The following SLC25A40 variants were observed in gnomAD, a reference collection of about 807,000 sequenced individuals.
SLC25A40 encodes the protein mitochondrial glutathione transporter SLC25A40.
In SLC25A40, 41 loss-of-function variants were observed where a neutral mutation model predicts 46.5. The ratio of observed to expected loss-of-function variants is 0.88; its 90% CI spans 0.69 to 1.14. The LOEUF (loss-of-function observed/expected upper bound fraction) is 1.14, where lower values mean the gene tolerates loss of function less well. SLC25A40 is among the 50% of genes most tolerant of loss of function. SLC25A40 has a pLI of 0.00. For synonymous variants in SLC25A40, 126 were observed against 127.5 expected, an observed-to-expected ratio of 0.99 and a Z score of 0.08; for missense variants, 386 against 393.6, an observed-to-expected ratio of 0.98 and a Z score of 0.16.
intron 1 of SLC25A40, among the ~76,000 whole-genome samples, chr7:87,862,988 T>C (rs1285798458): frequency 1.3e-5 from 2 of 152,128 alleles, no homozygotes; most frequent in East Asian, 3.9e-4. Flanking sequence ...CAATTCAAGA[T>C]GAGATCTTGG....
chr7:87,843,404 CAT>C (rs751998285), intron 9 of SLC25A40, among the ~76,000 whole-genome samples: 2 of 152,104 alleles, frequency 1.3e-5, no homozygotes, highest in Admixed American at 6.5e-5. Context: ...GTGCTTAATG[CAT>C]ATGAGATGAC....
At chr7:87,862,538 T>G (rs958454143) in intron 1 of SLC25A40, among the ~76,000 whole-genome samples, 10 of 152,190 alleles carry the variant, frequency 6.6e-5, no homozygotes, top group Non-Finnish European at 1.3e-4. Context: ...GAATCTTTAG[T>G]AAAAGGATTA....
At position 87,833,720 on chromosome 7, in the gene SLC25A40, G is replaced by A. The variant is rs1214371728; in HGVS notation, c.*2529C>T. ...GGTACATATGCAGGTTTGTTACACA[G>A]GTAAACTTTTGTGTCATGGGGATTT... On this transcript the variant is annotated 3_prime_UTR_variant, in exon 12 of 12. Coordinates refer to ENST00000341119, the MANE Select transcript of SLC25A40 (RefSeq NM_018843.4). The A allele has an allele frequency of 2.0e-5, 3 of 151,798 alleles. No homozygotes were observed. The highest frequency in any genetic ancestry group is 2.9e-5 in the Non-Finnish European group (2 of 67,880). 9.4% of individuals were successfully genotyped at this position (151,798 alleles called of 1,614,324 possible). A position where few individuals can be genotyped will look rare whatever the true frequency, so the allele number is the denominator to read the frequency against.
At chr7:87,870,190 T>C (rs1838874654) in intron 1 of SLC25A40, among the ~76,000 whole-genome samples, 1 of 151,414 alleles carries the variant, frequency 6.6e-6, no homozygotes, top group Non-Finnish European at 1.5e-5. Context: ...TTTTGGATAC[T>C]AGATCCTTAC....
chr7:87,843,813 A>T lies in SLC25A40; in HGVS notation c.682T>A (p.Ser228Thr). ...EILKKWLCEK[S>T]GLYEPTFMIN... ...ATAAATGTTGGCTCATATAAACCAG[A>T]TTTCTCACATAACCACTTCTTTAAA... is the stretch of plus-strand genomic sequence containing the variant. The change falls in exon 9 of 12, where the codon TCT becomes ACT. Residue 228 changes from serine (S) to threonine (T), a missense_variant. Transcript: ENST00000341119. 1.2e-6 allele frequency: 2 copies of T among 1,611,604 alleles called. No individual in the cohort carries two copies. Among genetic ancestry groups the T allele is most frequent in the Non-Finnish European group, 1.7e-6 (2 of 1,178,476 alleles).
chr7:87,836,333 A>G lies in SLC25A40; in HGVS notation c.933T>C (p.Ala311=), dbSNP rs200456051. The change falls in exon 12 of 12, where the codon GCT becomes GCC. Residue 311 remains alanine (A), a synonymous_variant. Coordinates refer to ENST00000341119, the MANE Select transcript of SLC25A40 (RefSeq NM_018843.4). ...SGLIPRLIKI[A]PACAIMISTY... is the part of the protein sequence containing the mutation. ...TACTGATCATAATGGCACAAGCAGGAGCAATTTTAATTAAGCGAGGAATTA... is the reference window on the plus strand; with the variant it reads ...TACTGATCATAATGGCACAAGCAGGGGCAATTTTAATTAAGCGAGGAATTA... 207 of 1,553,750 alleles carry G rather than the reference A, an allele frequency of 1.3e-4. No homozygotes were observed. The highest frequency in any genetic ancestry group is 1.7e-4 in the Non-Finnish European group (195 of 1,155,608).
chr7:87,851,438 C>T (rs532628794), intron 5 of SLC25A40, among the ~76,000 whole-genome samples: 124 of 152,248 alleles, frequency 8.1e-4, no homozygotes, highest in African/African-American at 2.9e-3. Flanking sequence ...CACCCAGACC[C>T]ATATCAGCAA....
chr7:87,862,010 CAAA>C (rs764406380), intron 1 of SLC25A40, among the ~76,000 whole-genome samples: 2 of 151,524 alleles, frequency 1.3e-5, no homozygotes, highest in Non-Finnish European at 2.9e-5. Context: ...CAATTTATTA[CAAA>C]AATAATGAAA....
intron 10 of SLC25A40, among the ~76,000 whole-genome samples, chr7:87,838,733 C>T (rs538902093): frequency 6.6e-6 from 1 of 151,424 alleles, no homozygotes; most frequent in African/African-American, 2.4e-5. Flanking sequence ...TGTATACTCA[C>T]TCTTCTTTGT....
At chr7:87,867,222 ACAC>A (rs895207344) in intron 1 of SLC25A40, among the ~76,000 whole-genome samples, 1 of 152,196 alleles carries the variant, frequency 6.6e-6, no homozygotes, top group Non-Finnish European at 1.5e-5. Flanking sequence ...TCCCTCTTGA[ACAC>A]CAATAATTCT....
chr7:87,849,916 G>T lies in SLC25A40; in HGVS notation c.297C>A (p.Gly99=). Residue 99 remains glycine (G), a synonymous_variant, in exon 6 of 12, where the codon GGC becomes GGA. Transcript: ENST00000341119. The part of the protein sequence containing the change: ...DAFFKIIRNE[G]IKSLWSGLPP... ...GAAGGCCACTCCATAGAGATTTAAT[G>T]CCCTCATTTCGAATGATTTTAAAAA... The T allele has an allele frequency of 1.9e-6, 3 of 1,599,948 alleles. No individual in the cohort carries two copies. Among genetic ancestry groups the T allele is most frequent in the South Asian group, 1.1e-5 (1 of 87,364 alleles).
Position 87,860,648 on chromosome 7 carries a change from T to C in SLC25A40, c.-93-8A>G, listed in dbSNP as rs1197063557. ...ACATCAGTAGCCAAAAACCTGTAATTAAGAAGAAAGTAATTGTCTTATCTT... is the reference window on the plus strand; with the variant it reads ...ACATCAGTAGCCAAAAACCTGTAATCAAGAAGAAAGTAATTGTCTTATCTT... On this transcript the variant is annotated splice_polypyrimidine_tract_variant and splice_region_variant and intron_variant, in intron 1 of 11. Transcript: ENST00000341119. The C allele has an allele frequency of 2.2e-4, 33 of 152,128 alleles. No homozygotes were observed. Among genetic ancestry groups the C allele is most frequent in the Admixed American group, 2.2e-3 (33 of 15,274 alleles). 9.4% of individuals were successfully genotyped at this position (152,128 alleles called of 1,614,324 possible).
chr7:87,862,328 C>A (rs1261170937), intron 1 of SLC25A40, among the ~76,000 whole-genome samples: 3 of 152,182 alleles, frequency 2.0e-5, no homozygotes, highest in Admixed American at 2.0e-4. Context: ...CCTCCCTCAA[C>A]TCCCTGCAAA....
chr7:87,849,597 G>T (rs1306996326), intron 6 of SLC25A40, among the ~76,000 whole-genome samples: 1 of 152,206 alleles, frequency 6.6e-6, no homozygotes, highest in Non-Finnish European at 1.5e-5. Flanking sequence ...GAGGACTTTG[G>T]AAGCCTATTT....
At chr7:87,849,376 A>G (rs781548412) in intron 6 of SLC25A40, among the ~76,000 whole-genome samples, 16 of 152,204 alleles carry the variant, frequency 1.1e-4, no homozygotes, top group Non-Finnish European at 1.9e-4. Context: ...GTTGATCTGT[A>G]CACTGCGATT....
intron 3 of SLC25A40, 81 bp from the exon 4 acceptor site, chr7:87,856,432 T>G (rs746186168): frequency 1.2e-5 from 12 of 1,020,054 alleles, no homozygotes; most frequent in Admixed American, 8.4e-5. Context: ...CAAAATACAT[T>G]GATTCATACT....
intron 1 of SLC25A40, among the ~76,000 whole-genome samples, chr7:87,863,098 A>G (rs1838733404): frequency 6.6e-6 from 1 of 152,156 alleles, no homozygotes; most frequent in African/African-American, 2.4e-5. Flanking sequence ...CTTCTGTAGT[A>G]TGTCCATTTA....
intron 8 of SLC25A40, among the ~76,000 whole-genome samples, chr7:87,845,225 T>C (rs181004971): frequency 2.6e-5 from 4 of 152,098 alleles, no homozygotes; most frequent in East Asian, 1.9e-4. Context: ...AAATGTTATA[T>C]GACAGAGACG....
At chr7:87,875,226 T>C (rs958826912) in intron 1 of SLC25A40, among the ~76,000 whole-genome samples, 40 of 152,208 alleles carry the variant, frequency 2.6e-4, no homozygotes, top group African/African-American at 9.6e-4. Context: ...CTGCTAGACA[T>C]TTCTCTCGAG....
Sources: allele counts gnomAD v4.1 joint callset (sites outside exome capture counted in the v4.1 genomes callset), GRCh38; gene constraint gnomAD v4.1.1; transcripts MANE v1.5; gene names NCBI Gene and HGNC (gene_info 2026-07-23, HGNC 2026-07-21).